CACHD1: variants seen among roughly 807,000 people sequenced by gnomAD.
CACHD1 encodes the protein cache domain containing 1.
In CACHD1, 71 loss-of-function variants were observed where a neutral mutation model predicts 138.7. The observed-to-expected ratio is 0.51, with a 90% CI of 0.42 to 0.62. CACHD1 has a LOEUF of 0.62. CACHD1 is among the 20% of genes least tolerant of loss of function. CACHD1 has a pLI of 0.00. For missense variants in CACHD1, 1,389 were observed against 1,625.3 expected (o/e 0.85, Z 2.50); for synonymous variants, 578 against 591.5 (o/e 0.98, Z 0.33).
rs1553125591 is a variant in CACHD1 at position 64,477,629 on chromosome 1, A to ATTTATTTATTTATTTTTTTTTTTATT, written c.198+6690_198+6691insATTTATTTATTTTTTTTTTTATTTTT. Among the ~76,000 whole-genome samples, 395 of 114,760 alleles carry ATTTATTTATTTATTTTTTTTTTTATT rather than the reference A, an allele frequency of 3.4e-3. 2 individuals carry two copies. Among genetic ancestry groups the ATTTATTTATTTATTTTTTTTTTTATT allele is most frequent in the African/African-American group, 0.017 (382 of 23,106 alleles). The allele number at this position is 114,760 out of a possible 152,430, so 75.3% of individuals were successfully genotyped here. ...TTATTATTATTATTATTATTATTTTATTTTATTTTTTTTTTTGAGACGGAG... is the reference window on the plus strand; with the variant it reads ...TTATTATTATTATTATTATTATTTTATTTATTTATTTATTTTTTTTTTTATTTTTTATTTTTTTTTTTGAGACGGAG... On this transcript the variant is annotated intron_variant, in intron 1 of 26. Transcript: ENST00000651257.
intron 1 of CACHD1, among the ~76,000 whole-genome samples, chr1:64,502,817 A>G (rs1369886479): frequency 6.6e-6 from 1 of 152,142 alleles, no homozygotes; most frequent in Non-Finnish European, 1.5e-5. Context: ...CATTTCCCAA[A>G]CCCAAGTGGC....
chr1:64,611,095 G>A (rs1450969152), intron 4 of CACHD1, among the ~76,000 whole-genome samples: 1 of 152,202 alleles, frequency 6.6e-6, no homozygotes, highest in Non-Finnish European at 1.5e-5. Context: ...AGCTGGAGTG[G>A]CTGGGACACA....
intron 8 of CACHD1, among the ~76,000 whole-genome samples, chr1:64,646,024 C>T (rs947949315): frequency 2.0e-5 from 3 of 152,148 alleles, no homozygotes; most frequent in African/African-American, 7.2e-5. Context: ...ACTGACCTTC[C>T]TGCCATCCCT....
In CACHD1 at chr1:64,588,328, C is replaced by T. The variant is rs908207438; in HGVS notation, c.410+6024C>T. Among the ~76,000 whole-genome samples, 3 of 152,272 alleles carry T rather than the reference C, an allele frequency of 2.0e-5. No individual in the cohort carries two copies. In the East Asian group the frequency reaches 5.8e-4, roughly 29 times the overall value. On this transcript the variant is annotated intron_variant, in intron 3 of 26. Transcript: ENST00000651257. ...ATAGCTATCCCTGAAACCCAGCTTG[C>T]CACAGAGATGAGGTTCTGATGTGTG...
rs1264400473 is a variant in CACHD1, at chr1:64,652,319, C to G, written c.1540+9C>G. ...TCTCATAGACGACAAAGGTAATCTG[C>G]TAAATGTTCATCCTAAGAATACTTT... On this transcript the variant is annotated intron_variant, in intron 10 of 26. Coordinates refer to ENST00000651257, the MANE Select transcript of CACHD1 (RefSeq NM_020925.4). 6.3e-7 allele frequency: 1 copy of G among 1,593,254 alleles called. No individual in the cohort carries two copies. The highest frequency in any genetic ancestry group is 1.4e-5 in the African/African-American group (1 of 73,410).
At position 64,682,017 on chromosome 1, in the gene CACHD1, G is replaced by A. The variant is rs781498256; in HGVS notation, c.3497G>A (p.Arg1166Gln). ...TGGCTTCCTACAGTCAGCAACACTC[G>A]GTTTATAGCTGCGGTCATCGAACGA... is the stretch of plus-strand genomic sequence containing the variant. ...HEDRGIISNT[R>Q]FIAAVIERHA... is the part of the protein sequence containing the mutation. The change falls in exon 26 of 27, where the codon CGG (arginine) becomes CAG (glutamine). Residue 1166 changes from arginine to glutamine, a missense_variant. Physicochemically the swap from Arg to Gln is conservative, Grantham distance 43. Transcript: ENST00000651257. 2.2e-5 allele frequency: 36 copies of A among 1,613,922 alleles called. No homozygotes were observed. The highest frequency in any genetic ancestry group is 1.9e-4 in the South Asian group (17 of 91,074).
In CACHD1 at chr1:64,572,059, A is replaced by G. The variant is rs142795698; in HGVS notation, c.262-10097A>G. ...GACTGGGTTTGCTTTTCTTTTCTAC[A>G]GTTGAGTGTAGAAAGCCTGGTCTTT... On this transcript the variant is annotated intron_variant, in intron 2 of 26. Coordinates refer to ENST00000651257, the MANE Select transcript of CACHD1 (RefSeq NM_020925.4). Among the ~76,000 whole-genome samples, 1,204 of 152,284 alleles carry G rather than the reference A, an allele frequency of 7.9e-3. 19 individuals carry two copies. The highest frequency in any genetic ancestry group is 0.028 in the African/African-American group (1,150 of 41,550).
chr1:64,582,405 G>T, intron 3 of CACHD1, 101 bp downstream of exon 3: 2 of 1,043,442 alleles, frequency 1.9e-6, no homozygotes, highest in Non-Finnish European at 2.8e-6. Flanking sequence ...ATTGCAAATT[G>T]TGTAGCTTGT....
intron 7 of CACHD1, among the ~76,000 whole-genome samples, chr1:64,636,275 CAAAA>C (rs1289277571): frequency 1.3e-5 from 2 of 152,170 alleles, no homozygotes; most frequent in Non-Finnish European, 2.9e-5. Context: ...AATGGATCCT[CAAAA>C]GAAGGAAGCT....
chr1:64,511,051 C>T (rs1037910995), intron 1 of CACHD1, among the ~76,000 whole-genome samples: 1 of 152,040 alleles, frequency 6.6e-6, no homozygotes, highest in African/African-American at 2.4e-5. Context: ...AGGTAAAACG[C>T]CTTTTAGATC....
intron 1 of CACHD1, among the ~76,000 whole-genome samples, chr1:64,481,025 C>T (rs557492648): frequency 6.6e-6 from 1 of 152,140 alleles, no homozygotes; most frequent in South Asian, 2.1e-4. Flanking sequence ...TCAAAGGTAG[C>T]TTTCTCTACT....
chr1:64,580,957 G>T (rs1001889540), intron 2 of CACHD1, among the ~76,000 whole-genome samples: 2 of 152,170 alleles, frequency 1.3e-5, no homozygotes, highest in Admixed American at 1.3e-4. Context: ...AGGGAGTATT[G>T]TGAGTCATTT....
chr1:64,504,398 A>G (rs1646356286), intron 1 of CACHD1, among the ~76,000 whole-genome samples: 1 of 152,154 alleles, frequency 6.6e-6, no homozygotes, highest in Admixed American at 6.5e-5. Flanking sequence ...AATCACTGGA[A>G]CTTAATGGTA....
In CACHD1 at chr1:64,632,689, G is replaced by A; in HGVS notation, c.735G>A (p.Gln245=). Residue 245 remains glutamine (Q), a synonymous_variant, in exon 6 of 27, where the codon CAG becomes CAA. Coordinates refer to ENST00000651257, the MANE Select transcript of CACHD1 (RefSeq NM_020925.4). ...CTTCAGTCACAGACACTCAGCTTCA[G>A]ATTGCCAAGGACGCTGCTCAGGTCA... The part of the protein sequence containing the change: ...HGASVTDTQL[Q]IAKDAAQVIL... The A allele has an allele frequency of 1.2e-6, 2 of 1,614,172 alleles. No individual in the cohort carries two copies. The highest frequency in any genetic ancestry group is 1.7e-6 in the Non-Finnish European group (2 of 1,180,022).
chr1:64,676,013 A>ACAT, intron 21 of CACHD1, 30 bp downstream of exon 21: 1 of 440,982 alleles, frequency 2.3e-6, no homozygotes, highest in African/African-American at 4.1e-5. Context: ...TAATAATAAT[A>ACAT]ATAATAATAA....
chr1:64,509,552 C>G (rs1646403095), intron 1 of CACHD1, among the ~76,000 whole-genome samples: 1 of 152,152 alleles, frequency 6.6e-6, no homozygotes, highest in Admixed American at 6.5e-5. Flanking sequence ...GTAAAACACT[C>G]AAGTTATTCA....
intron 1 of CACHD1, among the ~76,000 whole-genome samples, chr1:64,521,196 G>A (rs1646495629): frequency 6.6e-6 from 1 of 152,180 alleles, no homozygotes; most frequent in Non-Finnish European, 1.5e-5. Context: ...TAGGGCAGAG[G>A]TCTCAGTTTC....
chr1:64,658,100 A>G (rs1570458390), intron 12 of CACHD1, among the ~76,000 whole-genome samples: 2 of 152,350 alleles, frequency 1.3e-5, no homozygotes, highest in Non-Finnish European at 2.9e-5. Context: ...GCAATGACAA[A>G]TCAGGCTGAC....
intron 2 of CACHD1, among the ~76,000 whole-genome samples, chr1:64,552,711 G>A (rs751887724): frequency 9.9e-5 from 15 of 152,046 alleles, no homozygotes; most frequent in Non-Finnish European, 1.6e-4. Flanking sequence ...ACTCCTCAGC[G>A]CAAACAATCC....
Sources: gnomAD v4.1 joint callset for allele counts (sites outside exome capture counted in the v4.1 genomes callset) on GRCh38, gnomAD v4.1.1 for gene constraint, MANE v1.5 for transcripts, NCBI Gene and HGNC (gene_info 2026-07-23, HGNC 2026-07-21) for gene names.